The following PCBP3 variants were observed in gnomAD, a reference collection of about 807,000 sequenced individuals.
The protein encoded by PCBP3 is poly(rC) binding protein 3.
Under a neutral mutation model 52.7 loss-of-function variants are expected in PCBP3, and 25 were observed. The observed-to-expected ratio is 0.47, with a 90% CI of 0.35 to 0.66. The LOEUF (loss-of-function observed/expected upper bound fraction) is 0.66, where lower values mean the gene tolerates loss of function less well. PCBP3 is among the 30% of genes least tolerant of loss of function. The pLI is 0.01. For synonymous variants in PCBP3, 162 were observed against 183.0 expected (o/e 0.89, Z 0.93); for missense variants, 391 against 490.3 (o/e 0.80, Z 1.91).
chr21:45,651,416 T>A (rs1178765249), intron 1 of PCBP3, among the ~76,000 whole-genome samples: 2 of 152,246 alleles, frequency 1.3e-5, no homozygotes, highest in African/African-American at 2.4e-5. Flanking sequence ...ATCCTTAATC[T>A]TAGCACAAAA....
Position 45,805,257 on chromosome 21 carries a change from C to G in PCBP3, c.-125-44704C>G, listed in dbSNP as rs552091754. On this transcript the variant is annotated intron_variant, in intron 4 of 17. Transcript: ENST00000681687. This position sits in a 1 kb window ranked among gnomAD's most constrained non-coding sequence, Gnocchi z 4.6. Reference sequence around the variant, plus strand: ...GAAGCCTACCTTCTATAGGAAGAGGCATTCTTGTGTGACTCTCTGGTCATT... The same window carrying G: ...GAAGCCTACCTTCTATAGGAAGAGGGATTCTTGTGTGACTCTCTGGTCATT... 4.1e-4 allele frequency among the ~76,000 whole-genome samples: 62 copies of G among 152,268 alleles called. No individual in the cohort carries two copies. The highest frequency in any genetic ancestry group is 1.3e-3 in the African/African-American group (55 of 41,550).
rs369281795 is a variant in PCBP3 at position 45,736,246 on chromosome 21, T to C, written c.-162+817T>C. 1.5e-4 allele frequency among the ~76,000 whole-genome samples: 23 copies of C among 152,324 alleles called. 1 individual carries two copies. In the East Asian group the frequency reaches 4.2e-3, roughly 28 times the overall value. On this transcript the variant is annotated intron_variant, in intron 3 of 17. Coordinates refer to ENST00000681687, the MANE Select transcript of PCBP3 (RefSeq NM_001384156.1). This position sits in a 1 kb window ranked among gnomAD's most constrained non-coding sequence, Gnocchi z 4.6. ...CTTTGAGATAGGGATTGTTATTCCCTGAGGCTTGGCGAGGTGAAGTAACTC... is the reference window on the plus strand; with the variant it reads ...CTTTGAGATAGGGATTGTTATTCCCCGAGGCTTGGCGAGGTGAAGTAACTC...
chr21:45,663,162 CCTCT>C (rs35784297), intron 1 of PCBP3, among the ~76,000 whole-genome samples: 30 of 149,286 alleles, frequency 2.0e-4, no homozygotes, highest in East Asian at 3.9e-4. Context: ...TAAGCTGTCT[CCTCT>C]CTCTCTCTCT....
intron 4 of PCBP3, among the ~76,000 whole-genome samples, chr21:45,844,613 G>A (rs546730198): frequency 6.7e-4 from 102 of 152,130 alleles, no homozygotes; most frequent in African/African-American, 2.4e-3. Context: ...TGCTCCCCGC[G>A]GCATGGTTCC....
chr21:45,667,079 T>TTTCTTTCTTTCTTTCC (rs2080852295), intron 1 of PCBP3, among the ~76,000 whole-genome samples: 2 of 11,884 alleles, frequency 1.7e-4, no homozygotes, highest in African/African-American at 4.0e-4. Context: ...CTGTTTGTTC[T>TTTCTTTCTTTCTTTCC]TTCTTTCTTT....
At chr21:45,700,972 A>G (rs1308658155) in intron 2 of PCBP3, among the ~76,000 whole-genome samples, 1 of 152,236 alleles carries the variant, frequency 6.6e-6, no homozygotes, top group Admixed American at 6.5e-5. Flanking sequence ...TCCCCTTCTC[A>G]GAACAGCACA....
In PCBP3 at chr21:45,741,045, G is replaced by A. The variant is rs1046763784; in HGVS notation, c.-162+5616G>A. ...GGGACTGTCCTAAACGGAAAGCAGG[G>A]CACGGGATGGCTTCACTCCAGCTCC... On this transcript the variant is annotated intron_variant, in intron 3 of 17. Coordinates refer to ENST00000681687, the MANE Select transcript of PCBP3 (RefSeq NM_001384156.1). The surrounding 1 kb of genome is among the most constrained non-coding windows in gnomAD (Gnocchi z 4.5). Among the ~76,000 whole-genome samples, 11 of 152,170 alleles carry A rather than the reference G, an allele frequency of 7.2e-5. No individual in the cohort carries two copies. The highest frequency in any genetic ancestry group is 5.2e-4 in the Admixed American group (8 of 15,282).
intron 13 of PCBP3, among the ~76,000 whole-genome samples, chr21:45,923,807 G>T (rs1355886970): frequency 1.3e-5 from 2 of 151,858 alleles, no homozygotes; most frequent in African/African-American, 4.8e-5. Flanking sequence ...GCACACGTAA[G>T]ATCGGGTGTG....
intron 5 of PCBP3, chr21:45,869,399 C>T (rs1044195420): frequency 2.5e-4 from 38 of 152,522 alleles, no homozygotes; most frequent in African/African-American, 8.9e-4. Context: ...CCTCGGGCAC[C>T]CTGGGGTCAT....
chr21:45,908,161 T>C (rs573319693), intron 9 of PCBP3, among the ~76,000 whole-genome samples: 4 of 152,306 alleles, frequency 2.6e-5, no homozygotes, highest in South Asian at 4.1e-4. Context: ...CCTTGGGGAA[T>C]TGAGGCCACT....
intron 16 of PCBP3, among the ~76,000 whole-genome samples, chr21:45,937,281 C>T (rs559142592): frequency 6.6e-6 from 1 of 152,312 alleles, no homozygotes; most frequent in African/African-American, 2.4e-5. Context: ...ACAGGCCAGT[C>T]CAGGGGCCCC....
In PCBP3 at chr21:45,917,573, T is replaced by A; in HGVS notation, c.676-15T>A. ...AGCCAGGTTGCAGTCTGACGGGGTC[T>A]CTCTCTCTCTCTAGGCCTACACAAT... is the stretch of plus-strand genomic sequence containing the variant. On this transcript the variant is annotated splice_polypyrimidine_tract_variant and intron_variant, in intron 12 of 17. Transcript: ENST00000681687. This position sits in a 1 kb window ranked among gnomAD's most constrained non-coding sequence, Gnocchi z 5.3. The A allele has an allele frequency of 6.3e-7, 1 of 1,593,908 alleles. No homozygotes were observed. Among genetic ancestry groups the A allele is most frequent in the Non-Finnish European group, 8.6e-7 (1 of 1,164,350 alleles).
At chr21:45,652,440 G>A (rs1452156520) in intron 1 of PCBP3, among the ~76,000 whole-genome samples, 1 of 145,604 alleles carries the variant, frequency 6.9e-6, no homozygotes, top group Non-Finnish European at 1.5e-5. Flanking sequence ...GGATTCTGAT[G>A]GCTTTTTTTT....
At chr21:45,718,062 G>T (rs924748533) in intron 2 of PCBP3, among the ~76,000 whole-genome samples, 1 of 152,044 alleles carries the variant, frequency 6.6e-6, no homozygotes. Flanking sequence ...TGTAGTTTCT[G>T]TGTGTTTCTA....
intron 2 of PCBP3, among the ~76,000 whole-genome samples, chr21:45,682,048 G>A (rs1229053789): frequency 6.6e-6 from 1 of 152,102 alleles, no homozygotes; most frequent in Admixed American, 6.6e-5. Context: ...GAAGAGCAAA[G>A]CTGAAAAAAG....
At chr21:45,813,616 A>AT (rs2092744641) in intron 4 of PCBP3, among the ~76,000 whole-genome samples, 1 of 151,986 alleles carries the variant, frequency 6.6e-6, no homozygotes. Context: ...TATTTTTTGT[A>AT]TTTTTTAAAT....
chr21:45,785,704 G>A (rs1318748226), intron 4 of PCBP3, among the ~76,000 whole-genome samples: 1 of 152,228 alleles, frequency 6.6e-6, no homozygotes, highest in Admixed American at 6.5e-5. Context: ...GGGGAAAGGT[G>A]GGGAAAAGAT....
intron 4 of PCBP3, among the ~76,000 whole-genome samples, chr21:45,756,620 C>T (rs1054645627): frequency 5.3e-5 from 8 of 152,094 alleles, no homozygotes; most frequent in African/African-American, 9.7e-5. Context: ...TTAGTATATT[C>T]GCTAGCGTGT....
intron 4 of PCBP3, among the ~76,000 whole-genome samples, chr21:45,813,943 G>A (rs188537453): frequency 1.3e-5 from 2 of 152,252 alleles, no homozygotes; most frequent in East Asian, 3.9e-4. Context: ...TTAATGACAG[G>A]GACACATGCT....
Sources: gnomAD v4.1 joint callset for allele counts (sites outside exome capture counted in the v4.1 genomes callset) on GRCh38, gnomAD v4.1.1 for gene constraint, Gnocchi (gnomAD v3.1) non-coding constraint, MANE v1.5 for transcripts, NCBI Gene and HGNC (gene_info 2026-07-23, HGNC 2026-07-21) for gene names.